The following TTBK2 variants were observed in gnomAD, a reference collection of about 807,000 sequenced individuals.
TTBK2 encodes tau-tubulin kinase 2.
TTBK2 carries 28 observed loss-of-function variants against 110.8 expected under a neutral mutation model. The ratio of observed to expected loss-of-function variants is 0.25; its 90% CI spans 0.19 to 0.35. The LOEUF is 0.35. Ranked by LOEUF, TTBK2 falls within the 10% of genes least tolerant of loss-of-function variation. The probability of loss-of-function intolerance (pLI) is 1.00; values close to 1 mark genes in which losing one functional copy is unlikely to be tolerated. For missense variants in TTBK2, 1,369 were observed against 1,500.3 expected, an observed-to-expected ratio of 0.91 and a Z score of 1.45; for synonymous variants, 532 against 527.3, an observed-to-expected ratio of 1.01 and a Z score of -0.12.
At chr15:42,913,981 C>CTT (rs201187297) in intron 1 of TTBK2, among the ~76,000 whole-genome samples, 8 of 143,692 alleles carry the variant, frequency 5.6e-5, no homozygotes, top group Non-Finnish European at 6.1e-5. Flanking sequence ...TATTAACTTC[C>CTT]TTTTTTTTTT....
At chr15:42,830,139 T>C in intron 4 of TTBK2, 61 bp from the exon 5 acceptor site, 3 of 1,595,844 alleles carry the variant, frequency 1.9e-6, no homozygotes, top group Non-Finnish European at 2.6e-6. Context: ...AAGAGAAGAC[T>C]GGGAAACTAC....
chr15:42,867,245 C>CA (rs199562887), intron 3 of TTBK2, among the ~76,000 whole-genome samples: 6,531 of 63,082 alleles, frequency 0.1, 190 homozygotes, highest in South Asian at 0.16. Flanking sequence ...GACTCCGTCT[C>CA]AAAAAAAAAA....
intron 3 of TTBK2, among the ~76,000 whole-genome samples, chr15:42,856,746 T>C (rs987484746): frequency 2.0e-5 from 3 of 152,138 alleles, no homozygotes; most frequent in African/African-American, 7.2e-5. Flanking sequence ...AATCCCCTAA[T>C]GTAAACTGTG....
At position 42,794,788 on chromosome 15, in the gene TTBK2, A is replaced by G; in HGVS notation, c.836T>C (p.Val279Ala). The change falls in exon 10 of 15, where the codon GTG becomes GCG. Residue 279 changes from valine to alanine, a missense_variant. Physicochemically the swap from Val to Ala is moderately conservative, Grantham distance 64. Transcript: ENST00000267890. ...AAAAGTCTTGATGCTATTGTCAAAC[A>G]CGGATGTAAGAAGCTAAACCACAAA... ...TKPDYQLLTS[V>A]FDNSIKTFGV... The G allele has an allele frequency of 1.9e-6, 3 of 1,614,150 alleles. No homozygotes were observed. The highest frequency in any genetic ancestry group is 2.5e-6 in the Non-Finnish European group (3 of 1,180,016).
intron 3 of TTBK2, among the ~76,000 whole-genome samples, chr15:42,844,780 C>G (rs554830091): frequency 2.1e-4 from 32 of 152,248 alleles, no homozygotes; most frequent in African/African-American, 7.7e-4. Flanking sequence ...TGCTCTTAAC[C>G]ATTATGCCCA....
At chr15:42,837,475 T>C (rs1422735046) in intron 4 of TTBK2, among the ~76,000 whole-genome samples, 2 of 150,462 alleles carry the variant, frequency 1.3e-5, no homozygotes, top group Non-Finnish European at 3.0e-5. Flanking sequence ...CTGGGCAAAA[T>C]GGTGAAACCC....
At chr15:42,749,130 T>C (rs1395919850) in intron 14 of TTBK2, among the ~76,000 whole-genome samples, 11 of 152,234 alleles carry the variant, frequency 7.2e-5, no homozygotes, top group Admixed American at 7.2e-4. Flanking sequence ...CCTAGATGAT[T>C]GTGGCTTTGT....
chr15:42,759,349 C>A (rs140281894), intron 13 of TTBK2, among the ~76,000 whole-genome samples: 1 of 152,344 alleles, frequency 6.6e-6, no homozygotes, highest in African/African-American at 2.4e-5. Flanking sequence ...CAGCTCCTGG[C>A]AGATACACCC....
chr15:42,835,217 T>C (rs1474821368), intron 4 of TTBK2, among the ~76,000 whole-genome samples: 1 of 152,124 alleles, frequency 6.6e-6, no homozygotes. Flanking sequence ...CACTGGTAAC[T>C]TTAAAATGGA....
At chr15:42,874,990 A>AC (rs1894761597) in intron 2 of TTBK2, among the ~76,000 whole-genome samples, 1 of 151,952 alleles carries the variant, frequency 6.6e-6, no homozygotes, top group Non-Finnish European at 1.5e-5. Context: ...CCTCAAAAAA[A>AC]AAAAAAAATT....
chr15:42,798,382 T>G, intron 9 of TTBK2: 1 of 437,710 alleles, frequency 2.3e-6, no homozygotes, highest in South Asian at 1.6e-5. Context: ...AAATCTAGTA[T>G]ACATCTGACT....
intron 3 of TTBK2, among the ~76,000 whole-genome samples, chr15:42,846,450 G>A (rs1002160446): frequency 6.6e-6 from 1 of 152,106 alleles, no homozygotes; most frequent in Non-Finnish European, 1.5e-5. Flanking sequence ...CCAAAGTGCT[G>A]AGATTACAGA....
intron 1 of TTBK2, among the ~76,000 whole-genome samples, chr15:42,887,192 C>T (rs1297665404): frequency 6.6e-6 from 1 of 152,160 alleles, no homozygotes. Context: ...TTCTTTAATG[C>T]ACTCCTTTTT....
chr15:42,865,438 C>T (rs1275692866), intron 3 of TTBK2, among the ~76,000 whole-genome samples: 4 of 149,198 alleles, frequency 2.7e-5, no homozygotes, highest in Admixed American at 6.7e-5. Context: ...CCAGCCTGGG[C>T]GACAGAGTGA....
intron 9 of TTBK2, among the ~76,000 whole-genome samples, chr15:42,804,058 G>GCATCACTGTGGTA (rs1891347142): frequency 6.8e-6 from 1 of 146,466 alleles, no homozygotes; most frequent in Non-Finnish European, 1.5e-5. Context: ...AGCAAATGCA[G>GCATCACTGTGGTA]CATCACTGTG....
chr15:42,829,937 C>T lies in TTBK2; in HGVS notation c.432+1G>A. ...GTGCTCTGGATAGAAAAGGTCCCTACCGGTTTGATGTCTCGATGCAAGAAT... is the reference window on the plus strand; with the variant it reads ...GTGCTCTGGATAGAAAAGGTCCCTATCGGTTTGATGTCTCGATGCAAGAAT... On this transcript the variant is annotated splice_donor_variant, in intron 5 of 14. Transcript: ENST00000267890. LOFTEE classifies it high-confidence loss of function. The T allele has an allele frequency of 6.2e-7, 1 of 1,614,040 alleles. No individual in the cohort carries two copies. Among genetic ancestry groups the T allele is most frequent in the Non-Finnish European group, 8.5e-7 (1 of 1,179,986 alleles).
chr15:42,878,750 C>T (rs1479577094), intron 1 of TTBK2, 66 bp from the exon 2 acceptor site: 2 of 1,549,144 alleles, frequency 1.3e-6, no homozygotes, highest in Non-Finnish European at 8.7e-7. Flanking sequence ...AAATAACATT[C>T]CAGCATCAGG....
intron 13 of TTBK2, among the ~76,000 whole-genome samples, chr15:42,774,342 C>A (rs1346379894): frequency 6.6e-6 from 1 of 152,106 alleles, no homozygotes; most frequent in Admixed American, 6.5e-5. Flanking sequence ...CTTATTTAGC[C>A]TGGGGGCTTT....
chr15:42,778,425 G>A (rs1344514856), intron 11 of TTBK2, among the ~76,000 whole-genome samples: 2 of 152,078 alleles, frequency 1.3e-5, no homozygotes, highest in African/African-American at 4.8e-5. Flanking sequence ...CAGCACTTTC[G>A]GAAGCCAAGG....
Sources: gnomAD v4.1 joint callset for allele counts (sites outside exome capture counted in the v4.1 genomes callset) on GRCh38, gnomAD v4.1.1 for gene constraint, MANE v1.5 for transcripts, NCBI Gene and HGNC (gene_info 2026-07-23, HGNC 2026-07-21) for gene names.